The following CPNE8 variants were observed in gnomAD, a reference collection of about 807,000 sequenced individuals.
CPNE8 encodes copine-8.
CPNE8 carries 45 observed loss-of-function variants against 81.5 expected under a neutral mutation model. The ratio of observed to expected loss-of-function variants is 0.55; its 90% CI spans 0.44 to 0.71. The LOEUF (loss-of-function observed/expected upper bound fraction) is 0.71. Ranked by LOEUF, CPNE8 falls within the 30% of genes least tolerant of loss-of-function variation. CPNE8 has a pLI of 0.00. For synonymous variants in CPNE8, 252 were observed against 226.3 expected (o/e 1.11, Z -1.02); for missense variants, 594 against 672.1 (o/e 0.88, Z 1.28).
intron 6 of CPNE8, among the ~76,000 whole-genome samples, chr12:38,792,038 A>G (rs1196689664): frequency 6.6e-6 from 1 of 151,112 alleles, no homozygotes; most frequent in Non-Finnish European, 1.5e-5. Context: ...GAGACAAATG[A>G]AAATAAAAAC....
intron 11 of CPNE8, among the ~76,000 whole-genome samples, chr12:38,726,107 G>A (rs1940689995): frequency 6.6e-6 from 1 of 152,096 alleles, no homozygotes; most frequent in Admixed American, 6.6e-5. Context: ...AAGTCCACAG[G>A]CCTGTACTAG....
At chr12:38,852,010 CTCTGCTTAAATG>C (rs1334470969) in intron 3 of CPNE8, among the ~76,000 whole-genome samples, 2 of 152,280 alleles carry the variant, frequency 1.3e-5, no homozygotes, top group East Asian at 3.9e-4. Context: ...TCCTTTAAGC[CTCTGCTTAAATG>C]TCAGCATGTC....
rs1339302447 is a variant in CPNE8 at position 38,716,795 on chromosome 12, T to TA, written c.914+6976dup. On this transcript the variant is annotated intron_variant, in intron 13 of 19. Transcript: ENST00000331366. ...AAAACAAAAGTAAACAAATCAGACCTAATTAAACCAAAAAGCTTCTGTACA... is the reference window on the plus strand; with the variant it reads ...AAAACAAAAGTAAACAAATCAGACCTAAATTAAACCAAAAAGCTTCTGTACA... 2.0e-5 allele frequency among the ~76,000 whole-genome samples: 3 copies of TA among 152,002 alleles called. No individual in the cohort carries two copies. In the East Asian group the frequency reaches 5.8e-4, roughly 29 times the overall value.
chr12:38,793,959 T>G lies in CPNE8; in HGVS notation c.408-17658A>C, dbSNP rs552923888. On this transcript the variant is annotated intron_variant, in intron 6 of 19. Coordinates refer to ENST00000331366, the MANE Select transcript of CPNE8 (RefSeq NM_153634.3). The stretch of plus-strand genomic sequence containing the variant: ...CCTTTAATGAGAATTCCAAGACTTC[T>G]TAATAAGGAAAGAATAGTTTCTTTA... Among the ~76,000 whole-genome samples, 12 of 152,264 alleles carry G rather than the reference T, an allele frequency of 7.9e-5. No homozygotes were observed. In the East Asian group the frequency reaches 2.1e-3, roughly 27 times the overall value.
intron 10 of CPNE8, among the ~76,000 whole-genome samples, chr12:38,740,003 A>T (rs1275169042): frequency 3.9e-5 from 6 of 152,204 alleles, no homozygotes; most frequent in Admixed American, 3.9e-4. Context: ...TTAGATAATA[A>T]TGGCTTCAAA....
intron 19 of CPNE8, among the ~76,000 whole-genome samples, chr12:38,666,350 A>T (rs1033157831): frequency 6.6e-6 from 1 of 152,234 alleles, no homozygotes; most frequent in Non-Finnish European, 1.5e-5. Flanking sequence ...TGACCTAAAT[A>T]ACTTTCCAAA....
At chr12:38,812,496 A>C (rs1942954355) in intron 6 of CPNE8, among the ~76,000 whole-genome samples, 1 of 152,170 alleles carries the variant, frequency 6.6e-6, no homozygotes, top group Non-Finnish European at 1.5e-5. Flanking sequence ...CCTTATAAAA[A>C]CCATCAGATC....
chr12:38,837,828 T>A (rs1322757050), intron 5 of CPNE8, among the ~76,000 whole-genome samples: 1 of 151,984 alleles, frequency 6.6e-6, no homozygotes, highest in Non-Finnish European at 1.5e-5. Context: ...AAAAGAGGTA[T>A]CATGAGGGTA....
chr12:38,739,492 C>A (rs750403751), intron 10 of CPNE8, among the ~76,000 whole-genome samples: 1 of 151,972 alleles, frequency 6.6e-6, no homozygotes, highest in Non-Finnish European at 1.5e-5. Context: ...TAACTTGTTC[C>A]TAAAACACAT....
intron 11 of CPNE8, among the ~76,000 whole-genome samples, chr12:38,727,206 TC>T (rs1376519710): frequency 6.6e-6 from 1 of 152,172 alleles, no homozygotes; most frequent in African/African-American, 2.4e-5. Context: ...AGAGTAAATC[TC>T]ACTATGTCAT....
intron 10 of CPNE8, among the ~76,000 whole-genome samples, chr12:38,745,828 C>T (rs938639216): frequency 6.6e-6 from 1 of 152,208 alleles, no homozygotes; most frequent in Non-Finnish European, 1.5e-5. Context: ...CTACGTGAGC[C>T]ACGGCACCCC....
At chr12:38,822,788 A>C (rs937018024) in intron 6 of CPNE8, among the ~76,000 whole-genome samples, 1 of 152,176 alleles carries the variant, frequency 6.6e-6, no homozygotes, top group African/African-American at 2.4e-5. Context: ...TAGATGTAAA[A>C]ACGGCCTAAT....
At chr12:38,848,756 A>G in intron 3 of CPNE8, 94 bp from the exon 4 acceptor site, 2 of 1,372,638 alleles carry the variant, frequency 1.5e-6, no homozygotes, top group South Asian at 1.6e-5. Context: ...TTAAAAAACA[A>G]GCAATAAATA....
In CPNE8 at chr12:38,776,315, A is replaced by G; in HGVS notation, c.408-14T>C. On this transcript the variant is annotated splice_polypyrimidine_tract_variant and intron_variant, in intron 6 of 19. Coordinates refer to ENST00000331366, the MANE Select transcript of CPNE8 (RefSeq NM_153634.3). Reference sequence around the variant, plus strand: ...CCTGGAATTCCTCTAAAACAACAAAAATATATTTATATACATTAATATGTT... The same window carrying G: ...CCTGGAATTCCTCTAAAACAACAAAGATATATTTATATACATTAATATGTT... The G allele has an allele frequency of 7.0e-6, 9 of 1,282,956 alleles. No homozygotes were observed. The highest frequency in any genetic ancestry group is 8.8e-6 in the Non-Finnish European group (8 of 914,152). 79.5% of individuals were successfully genotyped at this position (1,282,956 alleles called of 1,614,324 possible).
chr12:38,697,805 C>CCTCT (rs146764675), intron 14 of CPNE8, among the ~76,000 whole-genome samples: 2 of 149,912 alleles, frequency 1.3e-5, no homozygotes, highest in Non-Finnish European at 3.0e-5. Context: ...GGTACCTCCT[C>CCTCT]CTCTCTCTCT....
chr12:38,742,155 C>A (rs979061179), intron 10 of CPNE8, among the ~76,000 whole-genome samples: 1 of 152,026 alleles, frequency 6.6e-6, no homozygotes, highest in African/African-American at 2.4e-5. Flanking sequence ...ACCATTTGAC[C>A]CAGCAATCCC....
At chr12:38,736,475 C>G (rs1267363285) in intron 10 of CPNE8, among the ~76,000 whole-genome samples, 1 of 149,768 alleles carries the variant, frequency 6.7e-6, no homozygotes, top group South Asian at 2.1e-4. Context: ...TAATTTATCA[C>G]ATTTAAGCCA....
chr12:38,741,844 C>A (rs538347535), intron 10 of CPNE8, among the ~76,000 whole-genome samples: 3 of 152,140 alleles, frequency 2.0e-5, no homozygotes, highest in South Asian at 4.1e-4. Flanking sequence ...ACAAACAACC[C>A]CATCAAAAAG....
chr12:38,730,148 C>A (rs1940797620), intron 11 of CPNE8, 135 bp downstream of exon 11: 3 of 589,110 alleles, frequency 5.1e-6, no homozygotes, highest in South Asian at 2.2e-5. Flanking sequence ...AATGTCTGCT[C>A]AACAACTTCA....
Sources: gnomAD v4.1 joint callset for allele counts (sites outside exome capture counted in the v4.1 genomes callset) on GRCh38, gnomAD v4.1.1 for gene constraint, MANE v1.5 for transcripts, NCBI Gene and HGNC (gene_info 2026-07-23, HGNC 2026-07-21) for gene names.